Variants in GGA2 observed in about 807,000 individuals in gnomAD.
GGA2 encodes ADP-ribosylation factor-binding protein GGA2.
In GGA2, 48 loss-of-function variants were observed where a neutral mutation model predicts 79.5. The ratio of observed to expected loss-of-function variants is 0.60; its 90% CI spans 0.48 to 0.77. The LOEUF is 0.77. GGA2 is among the 30% of genes least tolerant of loss of function. The pLI is 0.00. For synonymous variants in GGA2, 317 were observed against 302.0 expected, an observed-to-expected ratio of 1.05 and a Z score of -0.51; for missense variants, 770 against 774.0, an observed-to-expected ratio of 0.99 and a Z score of 0.06.
intron 15 of GGA2, chr16:23,469,716 C>T (rs1347473122): frequency 4.4e-6 from 1 of 227,780 alleles, no homozygotes; most frequent in African/African-American, 2.3e-5. Flanking sequence ...TGGGTAGCCA[C>T]TTTCCTGTTT....
chr16:23,507,241 G>A (rs140977846), intron 1 of GGA2, among the ~76,000 whole-genome samples: 1 of 152,234 alleles, frequency 6.6e-6, no homozygotes, highest in Admixed American at 6.5e-5. Flanking sequence ...ATAGGTTCTA[G>A]CCGTTCCTGA....
chr16:23,470,059 C>G lies in GGA2; in HGVS notation c.1557G>C (p.Leu519Phe), dbSNP rs1487620821. Residue 519 changes from leucine to phenylalanine, a missense_variant, in exon 15 of 17, where the codon TTG (leucine) becomes TTC (phenylalanine). Physicochemically the swap from Leu to Phe is conservative, Grantham distance 22. Coordinates refer to ENST00000309859, the MANE Select transcript of GGA2 (RefSeq NM_015044.4). ...GCTGGGGAGCCGTGCTCATCATGGT[C>G]AAGAGCAGCACCTGTACCTCTGGGT... ...PGHPEVQVLLLTMMSTAPQPV... is the reference protein window; with the variant it reads ...PGHPEVQVLLFTMMSTAPQPV... 4 of 1,608,798 alleles carry G rather than the reference C, an allele frequency of 2.5e-6. No homozygotes were observed. The highest frequency in any genetic ancestry group is 1.7e-6 in the Non-Finnish European group (2 of 1,177,772).
intron 5 of GGA2, among the ~76,000 whole-genome samples, chr16:23,490,151 A>G (rs1245913347): frequency 1.3e-5 from 2 of 152,224 alleles, no homozygotes; most frequent in African/African-American, 4.8e-5. Context: ...CCTACAGCTG[A>G]GAGAACAGAT....
intron 12 of GGA2, 120 bp downstream of exon 12, chr16:23,478,763 G>A (rs758956955): frequency 5.0e-6 from 4 of 807,836 alleles, no homozygotes; most frequent in Non-Finnish European, 4.3e-6. Context: ...GACCTCCAAG[G>A]CCATGATCCC....
In GGA2 at chr16:23,510,486, G is replaced by C. The variant is rs1252868143; in HGVS notation, c.-75C>G. 1.9e-6 allele frequency: 1 copy of C among 535,302 alleles called. No individual in the cohort carries two copies. 33.2% of individuals were successfully genotyped at this position (535,302 alleles called of 1,614,324 possible). Reference sequence around the variant, plus strand: ...CTGTAGCGTCCTGGCGCTCTCCTCTGCTGACTGCGCGGCAGGAGCGGTGGA... The same window carrying C: ...CTGTAGCGTCCTGGCGCTCTCCTCTCCTGACTGCGCGGCAGGAGCGGTGGA... On this transcript the variant is annotated 5_prime_UTR_variant, in exon 1 of 17. Transcript: ENST00000309859.
At chr16:23,495,078 GAAAAA>G (rs758673521) in intron 2 of GGA2, among the ~76,000 whole-genome samples, 1 of 106,554 alleles carries the variant, frequency 9.4e-6, no homozygotes, top group African/African-American at 3.3e-5. Context: ...TCTGTCTCAG[GAAAAA>G]AAAAAAAAGA....
At chr16:23,505,428 C>T (rs898686767) in intron 1 of GGA2, among the ~76,000 whole-genome samples, 4 of 152,094 alleles carry the variant, frequency 2.6e-5, no homozygotes, top group Admixed American at 6.5e-5. Flanking sequence ...TACAACGGGG[C>T]GTCTAAGGCT....
At chr16:23,488,504 T>C (rs1964743039) in intron 6 of GGA2, 102 bp downstream of exon 6, 2 of 772,794 alleles carry the variant, frequency 2.6e-6, no homozygotes, top group Non-Finnish European at 4.6e-6. Flanking sequence ...GGAGAACCCA[T>C]GTAACCTGCC....
Position 23,491,741 on chromosome 16 carries a change from A to G in GGA2, c.411T>C (p.Ser137=). 1 of 1,611,550 alleles carries G rather than the reference A, an allele frequency of 6.2e-7. No homozygotes were observed. The highest frequency in any genetic ancestry group is 1.1e-5 in the South Asian group (1 of 91,028). ...VKGRVIEILF[S]WTVWFPEDIK... is the part of the protein sequence containing the mutation. ...TGTCTTCCGGAAACCAGACTGTCCAACTGAAGAGTATTTCAATGACTCTTC... is the reference window on the plus strand; with the variant it reads ...TGTCTTCCGGAAACCAGACTGTCCAGCTGAAGAGTATTTCAATGACTCTTC... The change falls in exon 5 of 17, where the codon AGT becomes AGC. Residue 137 remains serine (S), a synonymous_variant. Transcript: ENST00000309859.
intron 13 of GGA2, among the ~76,000 whole-genome samples, chr16:23,477,063 T>C (rs1244312683): frequency 6.6e-6 from 1 of 152,190 alleles, no homozygotes; most frequent in Non-Finnish European, 1.5e-5. Flanking sequence ...GTGATCCTTC[T>C]ACCTCAGCCT....
upstream of GGA2, chr16:23,510,611 C>T (rs1476004456): frequency 1.8e-5 from 7 of 380,090 alleles, no homozygotes; most frequent in South Asian, 1.4e-4. Flanking sequence ...CTCCACCCAG[C>T]GCTGGTCTTC....
intron 8 of GGA2, among the ~76,000 whole-genome samples, chr16:23,484,590 A>T (rs190758935): frequency 2.6e-5 from 4 of 152,258 alleles, no homozygotes; most frequent in Admixed American, 2.6e-4. Context: ...ATTTGCACAG[A>T]CATGTCTTCT....
At chr16:23,474,381 G>A (rs1043971705) in intron 14 of GGA2, among the ~76,000 whole-genome samples, 8 of 150,958 alleles carry the variant, frequency 5.3e-5, no homozygotes, top group South Asian at 2.1e-4. Context: ...TTTTGGAGAC[G>A]GAGTCTCACT....
chr16:23,476,050 A>G (rs1039994331), intron 13 of GGA2, among the ~76,000 whole-genome samples: 1 of 152,228 alleles, frequency 6.6e-6, no homozygotes, highest in East Asian at 1.9e-4. Context: ...GTCCCTGACA[A>G]TAAGTAGCTC....
At chr16:23,483,408 T>C (rs1004529138) in intron 8 of GGA2, among the ~76,000 whole-genome samples, 4 of 152,098 alleles carry the variant, frequency 2.6e-5, no homozygotes, top group African/African-American at 4.8e-5. Flanking sequence ...TCTTAGGAAT[T>C]TGGAAAGACA....
chr16:23,493,438 G>A lies in GGA2; in HGVS notation c.273C>T (p.Asn91=), dbSNP rs1964814565. Residue 91 remains asparagine, a synonymous_variant, in exon 4 of 17, where the codon AAC becomes AAT. Transcript: ENST00000309859. ...CGCTGTGGAACTTCTCCCCACAGTG[G>A]TTCATGCACATCTCCAGCACCTGCA... is the stretch of plus-strand genomic sequence containing the variant. ...YALTVLEMCM[N]HCGEKFHSEV... 6.2e-7 allele frequency: 1 copy of A among 1,610,408 alleles called. No individual in the cohort carries two copies. The highest frequency in any genetic ancestry group is 8.5e-7 in the Non-Finnish European group (1 of 1,176,644).
At chr16:23,478,057 G>A (rs1964596802) in intron 13 of GGA2, among the ~76,000 whole-genome samples, 1 of 151,554 alleles carries the variant, frequency 6.6e-6, no homozygotes, top group Admixed American at 6.6e-5. Context: ...AAATTAGCTG[G>A]GCATGGTGGC....
At chr16:23,483,061 T>A (rs1964668861) in intron 8 of GGA2, 57 bp from the exon 9 acceptor site, 4 of 1,117,436 alleles carry the variant, frequency 3.6e-6, no homozygotes, top group Non-Finnish European at 5.5e-6. Flanking sequence ...AACGCCCCCC[T>A]CCAGGGCCCC....
rs1964479654 is a variant in GGA2 at position 23,469,143 on chromosome 16, G to T, written c.1621-147C>A. The stretch of plus-strand genomic sequence containing the variant: ...GTGGTACCCCGAGGCACCTATGGGA[G>T]CCCAAGCAGACAGACTCCCACTAAT... On this transcript the variant is annotated intron_variant, in intron 15 of 16. Transcript: ENST00000309859. 1.1e-5 allele frequency: 6 copies of T among 563,626 alleles called. 1 individual carries two copies. Among genetic ancestry groups the T allele is most frequent in the South Asian group, 2.1e-5 (1 of 47,542 alleles). The allele number at this position is 563,626 out of a possible 1,614,324, so 34.9% of individuals were successfully genotyped here. A position where few individuals can be genotyped will look rare whatever the true frequency, so the allele number is the denominator to read the frequency against.
Sources: gnomAD v4.1 joint callset for allele counts (sites outside exome capture counted in the v4.1 genomes callset) on GRCh38, gnomAD v4.1.1 for gene constraint, MANE v1.5 for transcripts, NCBI Gene and HGNC (gene_info 2026-07-23, HGNC 2026-07-21) for gene names.